The following SINHCAF variants were observed in gnomAD, a reference collection of about 807,000 sequenced individuals.
SINHCAF encodes SIN3-HDAC complex associated factor.
In SINHCAF, 3 loss-of-function variants were observed where a neutral mutation model predicts 25.8. That is an observed-to-expected ratio of 0.12 (90% CI 0.05 to 0.30). SINHCAF has a LOEUF of 0.30. Among genes scored for constraint, SINHCAF ranks in the 10% least tolerant of loss-of-function variants. The probability of loss-of-function intolerance (pLI) is 1.00; values close to 1 mark genes in which losing one functional copy is unlikely to be tolerated. For synonymous variants in SINHCAF, 70 were observed against 85.5 expected, an observed-to-expected ratio of 0.82 and a Z score of 1.00; for missense variants, 121 against 262.3, an observed-to-expected ratio of 0.46 and a Z score of 3.72.
At chr12:31,298,372 G>C in intron 1 of SINHCAF, 148 bp from the exon 2 acceptor site, 3 of 774,726 alleles carry the variant, frequency 3.9e-6, no homozygotes, top group Non-Finnish European at 4.2e-6. Flanking sequence ...CTCCTGGATC[G>C]ACCTCCATTC....
In SINHCAF at chr12:31,305,634, AT is replaced by A. The variant is rs201427965; in HGVS notation, c.-20-7411del. ...AATTGTGTTATTATTCCATTGTTCC[AT>A]TCTACCAATCCAGAGGAACTAAGGG... is the stretch of plus-strand genomic sequence containing the variant. On this transcript the variant is annotated intron_variant, in intron 1 of 5. Coordinates refer to ENST00000337682, the MANE Select transcript of SINHCAF (RefSeq NM_001135812.2). Among the ~76,000 whole-genome samples, 557 of 151,744 alleles carry A rather than the reference AT, an allele frequency of 3.7e-3. 8 individuals carry two copies. Among genetic ancestry groups the A allele is most frequent in the African/African-American group, 0.013 (520 of 41,328 alleles).
chr12:31,323,175 A>C (rs1939771536), intron 1 of SINHCAF, among the ~76,000 whole-genome samples: 1 of 152,170 alleles, frequency 6.6e-6, no homozygotes, highest in South Asian at 2.1e-4. Context: ...TGAGTCACGC[A>C]TACCTTTCGC....
chr12:31,324,991 C>T lies in SINHCAF; in HGVS notation c.-21+1033G>A. ...GACGGCGGCCGCATCCCACGGCTCA[C>T]GCGGGGCTGGACATTCGGACAAGGA... On this transcript the variant is annotated intron_variant, in intron 1 of 5. Transcript: ENST00000337682. The surrounding 1 kb of genome is among the most constrained non-coding windows in gnomAD (Gnocchi z 5.5). 1 of 456,790 alleles carries T rather than the reference C, an allele frequency of 2.2e-6. No homozygotes were observed. Among genetic ancestry groups the T allele is most frequent in the Non-Finnish European group, 4.4e-6 (1 of 226,988 alleles). 28.3% of individuals were successfully genotyped at this position (456,790 alleles called of 1,614,324 possible). A position where few individuals can be genotyped will look rare whatever the true frequency, so the allele number is the denominator to read the frequency against.
chr12:31,321,299 C>T (rs1048890177), intron 1 of SINHCAF, among the ~76,000 whole-genome samples: 4 of 152,056 alleles, frequency 2.6e-5, no homozygotes, highest in African/African-American at 7.2e-5. Context: ...TCCAGGTTTC[C>T]GCAGGACTTT....
chr12:31,307,087 C>T (rs552201929), intron 1 of SINHCAF, among the ~76,000 whole-genome samples: 5 of 152,054 alleles, frequency 3.3e-5, no homozygotes, highest in Non-Finnish European at 7.4e-5. Flanking sequence ...AATGAGAGGT[C>T]TTATCAGAAG....
chr12:31,289,641 A>G (rs1938220942), intron 4 of SINHCAF, among the ~76,000 whole-genome samples: 1 of 152,132 alleles, frequency 6.6e-6, no homozygotes, highest in Non-Finnish European at 1.5e-5. Context: ...AACCTCATAA[A>G]CACAGGTGGG....
At position 31,325,306 on chromosome 12, in the gene SINHCAF, A is replaced by C. The variant is rs1489372777; in HGVS notation, c.-21+718T>G. The C allele has an allele frequency of 4.5e-6, 2 of 448,350 alleles. No homozygotes were observed. The highest frequency in any genetic ancestry group is 4.9e-5 in the Admixed American group (2 of 40,716). The allele number at this position is 448,350 out of a possible 1,614,324, so 27.8% of individuals were successfully genotyped here. ...CGGTCCGAAGAGGGCAGGCGAGTGGAAGACGGGCTGTTTTTAAGCGACCGC... is the reference window on the plus strand; with the variant it reads ...CGGTCCGAAGAGGGCAGGCGAGTGGCAGACGGGCTGTTTTTAAGCGACCGC... On this transcript the variant is annotated intron_variant, in intron 1 of 5. Coordinates refer to ENST00000337682, the MANE Select transcript of SINHCAF (RefSeq NM_001135812.2). This position sits in a 1 kb window ranked among gnomAD's most constrained non-coding sequence, Gnocchi z 5.9.
chr12:31,320,118 A>G (rs986239810), intron 1 of SINHCAF, among the ~76,000 whole-genome samples: 2 of 152,198 alleles, frequency 1.3e-5, no homozygotes, highest in African/African-American at 2.4e-5. Flanking sequence ...TAAACATGTG[A>G]TATCTTCCTA....
chr12:31,295,389 C>T, intron 2 of SINHCAF, 56 bp from the exon 3 acceptor site: 2 of 1,166,432 alleles, frequency 1.7e-6, no homozygotes. Flanking sequence ...AGAATTCATG[C>T]AAGCACATTT....
Position 31,283,855 on chromosome 12 carries a change from T to TACACACACACACACAC in SINHCAF, c.507-1000_507-985dup, listed in dbSNP as rs57162055. 8.0e-3 allele frequency among the ~76,000 whole-genome samples: 1,124 copies of TACACACACACACACAC among 140,544 alleles called. 11 individuals are homozygous for TACACACACACACACAC. Among genetic ancestry groups the TACACACACACACACAC allele is most frequent in the Admixed American group, 0.011 (153 of 13,816 alleles). 92.2% of individuals were successfully genotyped at this position (140,544 alleles called of 152,430 possible). A position where few individuals can be genotyped will look rare whatever the true frequency, so the allele number is the denominator to read the frequency against. ...CTAATCATACTGCACAGTTATCCAT[T>TACACACACACACACAC]ACACACACACACACACACACACACA... On this transcript the variant is annotated intron_variant, in intron 5 of 5. Transcript: ENST00000337682.
rs146095120 is a variant in SINHCAF, at chr12:31,286,272, T to C, written c.506+1362A>G. On this transcript the variant is annotated intron_variant, in intron 5 of 5. Transcript: ENST00000337682. Reference sequence around the variant, plus strand: ...AAAAAAGTTTCCTTCTATTCCTATTTTGCTAAAACTTTTTTTTTTTTAAAC... The same window carrying C: ...AAAAAAGTTTCCTTCTATTCCTATTCTGCTAAAACTTTTTTTTTTTTAAAC... Among the ~76,000 whole-genome samples, 93 of 152,310 alleles carry C rather than the reference T, an allele frequency of 6.1e-4. 2 individuals carry two copies. In the East Asian group the frequency reaches 0.016, roughly 26 times the overall value.
intron 1 of SINHCAF, among the ~76,000 whole-genome samples, chr12:31,319,731 T>C (rs1219074284): frequency 6.6e-6 from 1 of 152,210 alleles, no homozygotes; most frequent in Non-Finnish European, 1.5e-5. Flanking sequence ...CGCAGGAAGT[T>C]ACTAACCAAC....
intron 1 of SINHCAF, among the ~76,000 whole-genome samples, chr12:31,301,574 TCA>T (rs1938796493): frequency 6.6e-6 from 1 of 152,194 alleles, no homozygotes. Flanking sequence ...GAGCTTATCC[TCA>T]CACTTAAGAG....
At chr12:31,306,456 G>C (rs960876359) in intron 1 of SINHCAF, among the ~76,000 whole-genome samples, 1 of 152,098 alleles carries the variant, frequency 6.6e-6, no homozygotes, top group Admixed American at 6.5e-5. Context: ...TAGGATAATG[G>C]GTTTATCATT....
At chr12:31,323,697 C>T (rs920741537) in intron 1 of SINHCAF, among the ~76,000 whole-genome samples, 2 of 152,150 alleles carry the variant, frequency 1.3e-5, no homozygotes, top group Admixed American at 1.3e-4. Flanking sequence ...CCCGCTCCCC[C>T]CACCCCCTAG....
chr12:31,308,008 C>T (rs1015885447), intron 1 of SINHCAF, among the ~76,000 whole-genome samples: 1 of 152,152 alleles, frequency 6.6e-6, no homozygotes, highest in Non-Finnish European at 1.5e-5. Flanking sequence ...GGAATGCAGT[C>T]GGCTCACTGC....
rs548990344 is a variant in SINHCAF at position 31,281,196 on chromosome 12, G to A, written c.*1516C>T. The A allele has an allele frequency of 6.6e-6, 1 of 152,116 alleles. No individual in the cohort carries two copies. Among genetic ancestry groups the A allele is most frequent in the Non-Finnish European group, 1.5e-5 (1 of 68,010 alleles). 9.4% of individuals were successfully genotyped at this position (152,116 alleles called of 1,614,324 possible). A position where few individuals can be genotyped will look rare whatever the true frequency, so the allele number is the denominator to read the frequency against. On this transcript the variant is annotated 3_prime_UTR_variant, in exon 6 of 6. Coordinates refer to ENST00000337682, the MANE Select transcript of SINHCAF (RefSeq NM_001135812.2). ...AGACTGAACTGGCAATGCTTTTCCT[G>A]AACATTTAGAAAAGAGGCAGTAAGA...
chr12:31,310,404 T>C (rs943974950), intron 1 of SINHCAF, among the ~76,000 whole-genome samples: 25 of 152,312 alleles, frequency 1.6e-4, no homozygotes, highest in African/African-American at 5.5e-4. Context: ...CCCTATTTCC[T>C]CAGAGGAGTC....
intron 1 of SINHCAF, among the ~76,000 whole-genome samples, chr12:31,300,568 A>C (rs1938748046): frequency 6.6e-6 from 1 of 152,232 alleles, no homozygotes; most frequent in Non-Finnish European, 1.5e-5. Flanking sequence ...TGCTCAAATG[A>C]GGCAGATTTT....
Sources: allele counts gnomAD v4.1 joint callset (sites outside exome capture counted in the v4.1 genomes callset), GRCh38; gene constraint gnomAD v4.1.1; non-coding constraint Gnocchi (gnomAD v3.1); transcripts MANE v1.5; gene names NCBI Gene and HGNC (gene_info 2026-07-23, HGNC 2026-07-21).